ESR2: variants seen among roughly 807,000 people sequenced by gnomAD.
ESR2 encodes the protein estrogen receptor beta.
In ESR2, 36 loss-of-function variants were observed where a neutral mutation model predicts 49.6. The observed-to-expected ratio is 0.73, with a 90% CI of 0.56 to 0.96. The LOEUF is 0.96. Ranked by LOEUF, ESR2 falls within the 40% of genes least tolerant of loss-of-function variation. The pLI, the probability that ESR2 is intolerant of heterozygous loss-of-function variation, is 0.00. For missense variants in ESR2, 714 were observed against 693.0 expected (o/e 1.03, Z -0.34); for synonymous variants, 320 against 266.1 (o/e 1.20, Z -1.97).
chr14:64,334,939 C>G (rs939616193), intron 1 of ESR2, among the ~76,000 whole-genome samples: 84 of 152,320 alleles, frequency 5.5e-4, no homozygotes, highest in African/African-American at 1.8e-3. Context: ...TGAGCTACCA[C>G]GCCCAGCCTG....
chr14:64,263,581 C>A (rs1342307771), intron 4 of ESR2, among the ~76,000 whole-genome samples: 1 of 151,996 alleles, frequency 6.6e-6, no homozygotes, highest in East Asian at 1.9e-4. Flanking sequence ...CGCACAAACC[C>A]AGGAGGCACA....
intron 2 of ESR2, among the ~76,000 whole-genome samples, chr14:64,281,729 T>C (rs2076672497): frequency 2.0e-5 from 3 of 152,238 alleles, no homozygotes; most frequent in African/African-American, 2.4e-5. Flanking sequence ...TAATCCATTA[T>C]GTTACCTTGC....
At chr14:64,263,655 T>A (rs1000422955) in intron 4 of ESR2, among the ~76,000 whole-genome samples, 20 of 150,416 alleles carry the variant, frequency 1.3e-4, no homozygotes, top group South Asian at 2.1e-4. Context: ...GTTGAAAAAA[T>A]AAATAAATAA....
In ESR2 at chr14:64,313,739, C is replaced by T. The variant is rs1253560059; in HGVS notation, c.-91+24159G>A. ...AAAAATACAAAAAAAATTAGCCAGG[C>T]GTGGTGGCGGGTGCCTGTAGTCCCA... On this transcript the variant is annotated intron_variant, in intron 1 of 8. Transcript: ENST00000358599. Among the ~76,000 whole-genome samples the T allele has an allele frequency of 3.3e-5, 5 of 150,482 alleles. No individual in the cohort carries two copies. In the South Asian group the frequency reaches 6.3e-4, roughly 19 times the overall value.
intron 4 of ESR2, among the ~76,000 whole-genome samples, chr14:64,263,608 C>T (rs965096663): frequency 2.0e-5 from 3 of 151,916 alleles, no homozygotes; most frequent in Non-Finnish European, 2.9e-5. Flanking sequence ...CGAGACCGTG[C>T]CATGCACTCC....
chr14:64,264,296 T>C (rs1179695157), intron 4 of ESR2, among the ~76,000 whole-genome samples: 2 of 152,202 alleles, frequency 1.3e-5, no homozygotes, highest in Non-Finnish European at 2.9e-5. Flanking sequence ...CCTCTTAACA[T>C]TGACTAGTTA....
intron 1 of ESR2, among the ~76,000 whole-genome samples, chr14:64,316,716 A>C (rs2077260495): frequency 6.6e-6 from 1 of 151,994 alleles, no homozygotes; most frequent in Non-Finnish European, 1.5e-5. Context: ...GGCTGAGGCA[A>C]GAGAATCACT....
intron 3 of ESR2, among the ~76,000 whole-genome samples, chr14:64,271,819 G>A (rs1162107544): frequency 6.6e-6 from 1 of 152,174 alleles, no homozygotes; most frequent in African/African-American, 2.4e-5. Context: ...GGACACTTAG[G>A]TTGCTTCCAA....
At chr14:64,250,656 G>A (rs1187376284) in intron 6 of ESR2, among the ~76,000 whole-genome samples, 1 of 152,168 alleles carries the variant, frequency 6.6e-6, no homozygotes, top group African/African-American at 2.4e-5. Context: ...TCCATTTTTA[G>A]TCTCTAGCAG....
chr14:64,279,364 T>A (rs1036214721), intron 3 of ESR2, among the ~76,000 whole-genome samples: 1 of 152,138 alleles, frequency 6.6e-6, no homozygotes, highest in South Asian at 2.1e-4. Context: ...TTACAGAGTT[T>A]GATTCTTTTC....
intron 3 of ESR2, among the ~76,000 whole-genome samples, chr14:64,277,072 G>C (rs2076570627): frequency 6.6e-6 from 1 of 152,152 alleles, no homozygotes; most frequent in South Asian, 2.1e-4. Flanking sequence ...AAGCCATGCT[G>C]TCATCTGGAC....
chr14:64,241,117 G>A (rs988463205), intron 7 of ESR2, among the ~76,000 whole-genome samples: 21 of 131,770 alleles, frequency 1.6e-4, no homozygotes, highest in African/African-American at 5.7e-4. Context: ...CTGCACTCCC[G>A]CCTGGGCCAC....
intron 1 of ESR2, among the ~76,000 whole-genome samples, chr14:64,293,434 G>A (rs1263933178): frequency 6.6e-6 from 1 of 152,184 alleles, no homozygotes; most frequent in Non-Finnish European, 1.5e-5. Context: ...TTCCTAAATA[G>A]AAGTCCACTC....
In ESR2 at chr14:64,257,247, G is replaced by A. The variant is rs1294597204; in HGVS notation, c.1070C>T (p.Ala357Val). The change falls in exon 6 of 9, where the codon GCT becomes GTT. Residue 357 changes from alanine to valine, a missense_variant. Ala to Val is a moderately conservative substitution (Grantham distance 64, BLOSUM62 0). Coordinates refer to ENST00000341099, the MANE Select transcript of ESR2 (RefSeq NM_001437.3). ...TCACCTGTCCAGAACAAGATCTGGA[G>A]CAAAGATGAGCTTGCCGGGGTGGTC... ...SIDHPGKLIF[A>V]PDLVLDRDEG... is the part of the protein sequence containing the mutation. 6 of 1,614,066 alleles carry A rather than the reference G, an allele frequency of 3.7e-6. No individual in the cohort carries two copies. Among genetic ancestry groups the A allele is most frequent in the Non-Finnish European group, 5.1e-6 (6 of 1,180,036 alleles).
intron 1 of ESR2, among the ~76,000 whole-genome samples, chr14:64,316,144 A>G (rs2077252163): frequency 6.6e-6 from 1 of 151,356 alleles, no homozygotes. Context: ...CGAGTAGCTA[A>G]GACTATAGGC....
chr14:64,271,892 T>C (rs2076453891), intron 3 of ESR2, among the ~76,000 whole-genome samples: 1 of 152,238 alleles, frequency 6.6e-6, no homozygotes, highest in Admixed American at 6.5e-5. Context: ...TTCGATATAC[T>C]GATTTCCTTT....
intron 7 of ESR2, among the ~76,000 whole-genome samples, chr14:64,235,430 A>T (rs1207155135): frequency 6.6e-6 from 1 of 152,230 alleles, no homozygotes; most frequent in Non-Finnish European, 1.5e-5. Context: ...CGTGGCGAGT[A>T]TATCTAGTCT....
At chr14:64,305,404 C>T (rs1363091829) in intron 1 of ESR2, among the ~76,000 whole-genome samples, 2 of 151,976 alleles carry the variant, frequency 1.3e-5, no homozygotes, top group South Asian at 2.1e-4. Flanking sequence ...GGCGCAGTGG[C>T]TCACGCCTGT....
At chr14:64,300,507 C>T (rs1471556950) in intron 1 of ESR2, among the ~76,000 whole-genome samples, 1 of 152,180 alleles carries the variant, frequency 6.6e-6, no homozygotes, top group Non-Finnish European at 1.5e-5. Flanking sequence ...TGCCTGCAAT[C>T]CCAGCACTTT....
Sources: allele counts gnomAD v4.1 joint callset (sites outside exome capture counted in the v4.1 genomes callset), GRCh38; gene constraint gnomAD v4.1.1; transcripts MANE v1.5; gene names NCBI Gene and HGNC (gene_info 2026-07-23, HGNC 2026-07-21).